The following DBR1 variants were observed in gnomAD, a reference collection of about 807,000 sequenced individuals.
DBR1 encodes the protein debranching RNA lariats 1, also known as lariat debranching enzyme.
In DBR1, 33 loss-of-function variants were observed where a neutral mutation model predicts 45.9. That is an observed-to-expected ratio of 0.72 (90% CI 0.55 to 0.96). The LOEUF is 0.96. Ranked by LOEUF, DBR1 falls within the 40% of genes least tolerant of loss-of-function variation. The probability of loss-of-function intolerance (pLI) is 0.00; values close to 1 mark genes in which losing one functional copy is unlikely to be tolerated. For synonymous variants in DBR1, 235 were observed against 235.9 expected (o/e 1.00, Z 0.04); for missense variants, 619 against 667.4 (o/e 0.93, Z 0.80).
chr3:138,164,583 T>C (rs1163885079), intron 5 of DBR1, among the ~76,000 whole-genome samples: 1 of 152,220 alleles, frequency 6.6e-6, no homozygotes, highest in East Asian at 1.9e-4. Context: ...TGATGTGATA[T>C]TAGCACAACT....
At chr3:138,170,075 T>A in intron 4 of DBR1, 32 bp downstream of exon 4, 1 of 1,356,224 alleles carries the variant, frequency 7.4e-7, no homozygotes, top group Non-Finnish European at 1.0e-6. Context: ...TTAAAATGTT[T>A]TCAAGTCTGC....
At chr3:138,171,856 A>C (rs74586171) in intron 2 of DBR1, 143 bp from the exon 3 acceptor site, 1 of 650,724 alleles carries the variant, frequency 1.5e-6, no homozygotes, top group Non-Finnish European at 2.7e-6. Flanking sequence ...TGCTTTTTAC[A>C]TAATAATATG....
In DBR1 at chr3:138,174,901, C is replaced by A. The variant is rs1167968341; in HGVS notation, c.-106G>T. ...CGCCAACTTTAATAAGTATAGCCAC[C>A]GCCTGGGTGTAGACTCCTGCAAAAT... On this transcript the variant is annotated 5_prime_UTR_variant, in exon 1 of 8. Coordinates refer to ENST00000260803, the MANE Select transcript of DBR1 (RefSeq NM_016216.4). 2 of 1,094,432 alleles carry A rather than the reference C, an allele frequency of 1.8e-6. No homozygotes were observed. Among genetic ancestry groups the A allele is most frequent in the Admixed American group, 2.5e-5 (1 of 40,814 alleles). 67.8% of individuals were successfully genotyped at this position (1,094,432 alleles called of 1,614,324 possible).
chr3:138,167,081 C>G lies in DBR1; in HGVS notation c.714G>C (p.Gln238His). ...HVKFAALMQH[Q>H]AKDKGQTARA... ...AAAGAATAAACATTTTGTTTTCTAC[C>G]TGATGCTGCATCAAGGCGGCAAACT... The change falls in exon 5 of 8, where the codon CAG becomes CAC. Residue 238 changes from glutamine to histidine, a missense_variant and splice_region_variant. Transcript: ENST00000260803. The G allele has an allele frequency of 6.2e-7, 1 of 1,613,586 alleles. No homozygotes were observed. The highest frequency in any genetic ancestry group is 1.1e-5 in the South Asian group (1 of 91,038).
rs1286393842 is a variant in DBR1 at position 138,174,759 on chromosome 3, G to C, written c.37C>G (p.Leu13Val). 6.2e-7 allele frequency: 1 copy of C among 1,611,920 alleles called. No homozygotes were observed. The highest frequency in any genetic ancestry group is 2.2e-5 in the East Asian group (1 of 44,858). Reference sequence around the variant, plus strand: ...GCCAGCGTCTCATAGATCTTATCCAGCTCGCCGTGGCAGCAGCCAGCCACA... The same window carrying C: ...GCCAGCGTCTCATAGATCTTATCCACCTCGCCGTGGCAGCAGCCAGCCACA... ...VAVAGCCHGE[L>V]DKIYETLALA... is the part of the protein sequence containing the mutation. The change falls in exon 1 of 8, where the codon CTG becomes GTG. Residue 13 changes from leucine (L) to valine (V), a missense_variant. Transcript: ENST00000260803.
chr3:138,174,659 T>G lies in DBR1; in HGVS notation c.137A>C (p.Glu46Ala). Residue 46 changes from glutamate to alanine, a missense_variant, in exon 1 of 8, where the codon GAG becomes GCG. By Grantham distance (107) the Glu-to-Ala change is moderately radical (BLOSUM62 -1). Coordinates refer to ENST00000260803, the MANE Select transcript of DBR1 (RefSeq NM_016216.4). ...CCGDFQAVRN[E>A]ADLRCMAVPP... ...CACGGCCATGCAGCGTAGATCCGCC[T>G]CGTTGCGCACCGCCTGGAAGTCGCC... 6.2e-7 allele frequency: 1 copy of G among 1,610,494 alleles called. No homozygotes were observed. The highest frequency in any genetic ancestry group is 8.5e-7 in the Non-Finnish European group (1 of 1,177,962).
In DBR1 at chr3:138,162,866, T is replaced by A. The variant is rs533838818; in HGVS notation, c.942-284A>T. On this transcript the variant is annotated intron_variant, in intron 7 of 7. Coordinates refer to ENST00000260803, the MANE Select transcript of DBR1 (RefSeq NM_016216.4). ...TATTCACTTATAAATTTATTTGAGG[T>A]AATGCTCAACAGTCCATTTTCCTGT... Among the ~76,000 whole-genome samples the A allele has an allele frequency of 9.2e-5, 14 of 152,350 alleles. No homozygotes were observed. In the South Asian group the frequency reaches 2.3e-3, roughly 25 times the overall value.
intron 3 of DBR1, among the ~76,000 whole-genome samples, chr3:138,170,753 A>G (rs1221144707): frequency 6.6e-6 from 1 of 152,226 alleles, no homozygotes; most frequent in African/African-American, 2.4e-5. Flanking sequence ...AAATTTGTGA[A>G]ATCGATGTGA....
rs2042905636 is a variant in DBR1, at chr3:138,161,216, TAAC to T, written c.*670_*672del. The T allele has an allele frequency of 6.6e-6, 1 of 152,242 alleles. No homozygotes were observed. Among genetic ancestry groups the T allele is most frequent in the Non-Finnish European group, 1.5e-5 (1 of 68,088 alleles). The allele number at this position is 152,242 out of a possible 1,614,324, so 9.4% of individuals were successfully genotyped here. On this transcript the variant is annotated 3_prime_UTR_variant, in exon 8 of 8. Coordinates refer to ENST00000260803, the MANE Select transcript of DBR1 (RefSeq NM_016216.4). ...GTATACATCAAAATGTTTACAGTGA[TAAC>T]AAGTCCTTGGAGGCAAAAATCCTTG...
Position 138,162,954 on chromosome 3 carries a change from C to T in DBR1, c.942-372G>A, listed in dbSNP as rs575616742. On this transcript the variant is annotated intron_variant, in intron 7 of 7. Transcript: ENST00000260803. ...CTGACATTCATTCAACAATAATTCC[C>T]TTGATTAAAAACAAAGGTGGAGGCC... Among the ~76,000 whole-genome samples the T allele has an allele frequency of 2.3e-4, 35 of 152,264 alleles. 1 individual carries two copies. The highest frequency in any genetic ancestry group is 7.7e-4 in the African/African-American group (32 of 41,560).
chr3:138,173,087 C>CAAAA (rs374615762), intron 2 of DBR1, among the ~76,000 whole-genome samples: 1 of 134,750 alleles, frequency 7.4e-6, no homozygotes. Context: ...TCTCTTCCCA[C>CAAAA]AAAAAAAAAA....
intron 3 of DBR1, 79 bp downstream of exon 3, chr3:138,171,554 G>T: frequency 1.6e-6 from 1 of 643,406 alleles, no homozygotes; most frequent in Non-Finnish European, 2.6e-6. Flanking sequence ...ATATATGAAA[G>T]AGTCAAAGTA....
At position 138,170,037 on chromosome 3, in the gene DBR1, C is replaced by G. The variant is rs1203370305; in HGVS notation, c.489+70G>C. ...TCTTGAAAGTAGTATACCAATATGA[C>G]CAAAATACATTTTGGCACAGAATTA... is the stretch of plus-strand genomic sequence containing the variant. On this transcript the variant is annotated intron_variant, in intron 4 of 7. Transcript: ENST00000260803. The G allele has an allele frequency of 9.8e-6, 10 of 1,021,826 alleles. No individual in the cohort carries two copies. In the East Asian group the frequency reaches 1.5e-4, roughly 15 times the overall value. The allele number at this position is 1,021,826 out of a possible 1,614,324, so 63.3% of individuals were successfully genotyped here. A position where few individuals can be genotyped will look rare whatever the true frequency, so the allele number is the denominator to read the frequency against.
intron 3 of DBR1, among the ~76,000 whole-genome samples, chr3:138,170,953 C>T (rs1007795330): frequency 2.6e-5 from 4 of 152,058 alleles, no homozygotes; most frequent in Admixed American, 6.6e-5. Context: ...ACAAGCAATA[C>T]GATACATTTA....
intron 2 of DBR1, 25 bp from the exon 3 acceptor site, chr3:138,171,738 T>C: frequency 6.5e-7 from 1 of 1,540,002 alleles, no homozygotes; most frequent in Non-Finnish European, 9.0e-7. Flanking sequence ...TAAATAAAAT[T>C]ACTGTAGGCA....
At chr3:138,171,058 A>T (rs1227720096) in intron 3 of DBR1, among the ~76,000 whole-genome samples, 6 of 152,234 alleles carry the variant, frequency 3.9e-5, no homozygotes, top group African/African-American at 1.4e-4. Flanking sequence ...AATTCAACAC[A>T]GTGACTGCCT....
rs1416314795 is a variant in DBR1 at position 138,162,021 on chromosome 3, A to C, written c.1503T>G (p.Asn501Lys). The change falls in exon 8 of 8, where the codon AAT (asparagine) becomes AAG (lysine). Residue 501 changes from asparagine (N) to lysine (K), a missense_variant. By Grantham distance (94) the Asn-to-Lys change is moderately conservative. Around this residue, in one of 3 missense-constraint regions of DBR1, gnomAD observed 182 missense variants for 196.1 expected, o/e 0.93. Coordinates refer to ENST00000260803, the MANE Select transcript of DBR1 (RefSeq NM_016216.4). ...GKPGGTVESGNGEDLTKVPLK... is the reference protein window; with the variant it reads ...GKPGGTVESGKGEDLTKVPLK... ...ATGGCACCTTGGTTAAGTCCTCTCC[A>C]TTCCCTGACTCCACAGTCCCACCAG... 1 of 1,613,974 alleles carries C rather than the reference A, an allele frequency of 6.2e-7. No individual in the cohort carries two copies. Among genetic ancestry groups the C allele is most frequent in the Non-Finnish European group, 8.5e-7 (1 of 1,180,018 alleles).
At chr3:138,162,651 T>C in intron 7 of DBR1, 69 bp from the exon 8 acceptor site, 1 of 1,307,526 alleles carries the variant, frequency 7.6e-7, no homozygotes, top group Non-Finnish European at 1.1e-6. Flanking sequence ...GAAATCTAAT[T>C]ACAGACTTCA....
intron 1 of DBR1, among the ~76,000 whole-genome samples, chr3:138,174,035 A>C (rs2107907171): frequency 6.6e-6 from 1 of 151,944 alleles, no homozygotes; most frequent in South Asian, 2.1e-4. Flanking sequence ...AAAAAAAAAA[A>C]AAAAAAAAAA....
Sources: gnomAD v4.1 joint callset for allele counts (sites outside exome capture counted in the v4.1 genomes callset) on GRCh38, gnomAD v4.1.1 for gene constraint, gnomAD v4.1.1 regional missense constraint, MANE v1.5 for transcripts, NCBI Gene and HGNC (gene_info 2026-07-23, HGNC 2026-07-21) for gene names.